The following PRR12 variants were observed in gnomAD, a reference collection of about 807,000 sequenced individuals.
The protein encoded by PRR12 is proline rich 12, also known as proline-rich protein 12.
PRR12 carries 12 observed loss-of-function variants against 138.0 expected under a neutral mutation model. That is an observed-to-expected ratio of 0.09 (90% CI 0.06 to 0.14). The LOEUF is 0.14. Ranked by LOEUF, PRR12 falls within the 10% of genes least tolerant of loss-of-function variation. The pLI is 1.00. For missense variants in PRR12, 2,692 were observed against 2,861.3 expected (o/e 0.94, Z 1.35); for synonymous variants, 1,567 against 1,291.7 (o/e 1.21, Z -4.57).
At chr19:49,609,093 C>T (rs965327910) in intron 6 of PRR12, among the ~76,000 whole-genome samples, 7 of 152,080 alleles carry the variant, frequency 4.6e-5, no homozygotes, top group African/African-American at 1.2e-4. Flanking sequence ...GTGGGTGAAT[C>T]GCTTGCGCTC....
chr19:49,591,430 C>T lies in PRR12; in HGVS notation c.-225C>T, dbSNP rs1314109396. ...GGAACCCCCCTTCCCCCTTCCTTGG[C>T]TCAGCGACTGCACCCCCTCCCTTGC... On this transcript the variant is annotated 5_prime_UTR_variant, in exon 1 of 14. Transcript: ENST00000418929. Among the ~76,000 whole-genome samples, 1 of 146,994 alleles carries T rather than the reference C, an allele frequency of 6.8e-6. No individual in the cohort carries two copies. Among genetic ancestry groups the T allele is most frequent in the Admixed American group, 6.7e-5 (1 of 14,986 alleles).
In PRR12 at chr19:49,597,412, C is replaced by T. The variant is rs1189114781; in HGVS notation, c.3077C>T (p.Pro1026Leu). 3 of 1,537,996 alleles carry T rather than the reference C, an allele frequency of 2.0e-6. No homozygotes were observed. Among genetic ancestry groups the T allele is most frequent in the Non-Finnish European group, 2.6e-6 (3 of 1,146,420 alleles). Residue 1026 changes from proline to leucine, a missense_variant, in exon 4 of 14, where the codon CCG becomes CTG. Around this residue, in one of 11 missense-constraint regions of PRR12, gnomAD observed 840 missense variants for 689.8 expected, o/e 1.22. Transcript: ENST00000418929. This position sits in a 1 kb window ranked among gnomAD's most constrained non-coding sequence, Gnocchi z 6.3. Reference protein sequence around the residue: ...PELPSTVNAEPLGLIQSGPHQ... With the variant: ...PELPSTVNAELLGLIQSGPHQ... ...CTGCCCTCCACGGTCAACGCCGAGC[C>T]GCTGGGCCTGATCCAGAGTGGCCCC...
rs755002916 is a variant in PRR12, at chr19:49,599,839, A to G, written c.4246A>G (p.Thr1416Ala). ...CCCACCCCTTGCTGGGCCAAAAGACACTTCCACCCCAGATGGGCCGCCCTT... is the reference window on the plus strand; with the variant it reads ...CCCACCCCTTGCTGGGCCAAAAGACGCTTCCACCCCAGATGGGCCGCCCTT... ...DDPPLAGPKD[T>A]STPDGPPLAP... Residue 1416 changes from threonine to alanine, a missense_variant, in exon 5 of 14, where the codon ACT becomes GCT. Physicochemically the swap from Thr to Ala is moderately conservative, Grantham distance 58. Coordinates refer to ENST00000418929, the MANE Select transcript of PRR12 (RefSeq NM_020719.3). This position sits in a 1 kb window ranked among gnomAD's most constrained non-coding sequence, Gnocchi z 5.0. The G allele has an allele frequency of 3.7e-6, 6 of 1,613,052 alleles. No individual in the cohort carries two copies. The highest frequency in any genetic ancestry group is 5.1e-6 in the Non-Finnish European group (6 of 1,179,854).
chr19:49,601,715 G>A lies in PRR12; in HGVS notation c.4570G>A (p.Ala1524Thr). 1 of 1,542,944 alleles carries A rather than the reference G, an allele frequency of 6.5e-7. No individual in the cohort carries two copies. The change falls in exon 6 of 14, where the codon GCT becomes ACT. Residue 1524 changes from alanine to threonine, a missense_variant. This residue lies in a region of PRR12 where 231 missense variants were observed against 200.8 expected (regional missense o/e 1.15). Transcript: ENST00000418929. ...ACCCCCACCAGCCGCTGCCCCACTGGCTGCTCCTCCTGAGGAGCCCGCCGC... is the reference window on the plus strand; with the variant it reads ...ACCCCCACCAGCCGCTGCCCCACTGACTGCTCCTCCTGAGGAGCCCGCCGC... ...PPPPPAAAPL[A>T]APPEEPAAPS...
chr19:49,599,978 GTTA>G lies in PRR12; in HGVS notation c.4345+45_4345+47del, dbSNP rs2080800996. The G allele has an allele frequency of 1.3e-6, 2 of 1,520,800 alleles. No individual in the cohort carries two copies. Among genetic ancestry groups the G allele is most frequent in the South Asian group, 1.3e-5 (1 of 79,250 alleles). 94.2% of individuals were successfully genotyped at this position (1,520,800 alleles called of 1,614,324 possible). On this transcript the variant is annotated intron_variant, in intron 5 of 13. Coordinates refer to ENST00000418929, the MANE Select transcript of PRR12 (RefSeq NM_020719.3). The surrounding 1 kb of genome is among the most constrained non-coding windows in gnomAD (Gnocchi z 5.0). The stretch of plus-strand genomic sequence containing the variant: ...GGTGGTCTGGGAGTAGAGCTTAAAG[GTTA>G]TTATGATCACTAGGTAACAGTTGTG...
intron 6 of PRR12, among the ~76,000 whole-genome samples, chr19:49,607,044 C>G (rs1024472054): frequency 2.0e-5 from 3 of 151,704 alleles, no homozygotes; most frequent in African/African-American, 7.3e-5. Context: ...GTGCTGTAAT[C>G]TCAGCACTTT....
intron 6 of PRR12, among the ~76,000 whole-genome samples, chr19:49,605,811 G>A (rs1364855422): frequency 1.3e-5 from 2 of 152,254 alleles, no homozygotes; most frequent in Non-Finnish European, 2.9e-5. Flanking sequence ...GGGGCCAGGC[G>A]AGGACTCAGA....
Position 49,595,678 on chromosome 19 carries a change from C to G in PRR12, c.1343C>G (p.Pro448Arg), listed in dbSNP as rs753714238. The G allele has an allele frequency of 9.6e-5, 154 of 1,596,246 alleles. No homozygotes were observed. The highest frequency in any genetic ancestry group is 8.4e-4 in the Middle Eastern group (5 of 5,924). Residue 448 changes from proline (P) to arginine (R), a missense_variant, in exon 4 of 14, where the codon CCT (proline) becomes CGT (arginine). Physicochemically the swap from Pro to Arg is moderately radical, Grantham distance 103. Transcript: ENST00000418929. ...AGGQAYSPGQ[P>R]QGLLGPQAYG... is the part of the protein sequence containing the mutation. ...GGCCAGGCTTATTCCCCCGGTCAGC[C>G]TCAAGGGCTTCTGGGACCCCAGGCC...
intron 11 of PRR12, among the ~76,000 whole-genome samples, chr19:49,623,083 G>A (rs1485572937): frequency 1.3e-5 from 2 of 151,828 alleles, no homozygotes; most frequent in African/African-American, 4.8e-5. Flanking sequence ...CTGGTGTGGA[G>A]AAATCTAAGC....
At chr19:49,607,556 A>G (rs569803645) in intron 6 of PRR12, among the ~76,000 whole-genome samples, 19 of 151,920 alleles carry the variant, frequency 1.3e-4, no homozygotes, top group African/African-American at 4.6e-4. Flanking sequence ...AAAATAAGAA[A>G]AATTAGCCGG....
Position 49,596,689 on chromosome 19 carries a change from C to T in PRR12, c.2354C>T (p.Ala785Val), listed in dbSNP as rs980389215. The change falls in exon 4 of 14, where the codon GCC becomes GTC. Residue 785 changes from alanine (A) to valine (V), a missense_variant. Transcript: ENST00000418929. The surrounding 1 kb of genome is among the most constrained non-coding windows in gnomAD (Gnocchi z 5.6). ...QPTPHGLLLE[A>V]GGPDLPLVLP... ...ACTCCCCATGGCCTCCTTCTGGAGG[C>T]CGGGGGCCCTGACCTCCCACTGGTG... 2 of 1,604,130 alleles carry T rather than the reference C, an allele frequency of 1.2e-6. No individual in the cohort carries two copies. Among genetic ancestry groups the T allele is most frequent in the African/African-American group, 1.3e-5 (1 of 74,788 alleles).
intron 6 of PRR12, among the ~76,000 whole-genome samples, chr19:49,602,213 T>G (rs2080816340): frequency 1.3e-5 from 2 of 152,200 alleles, no homozygotes; most frequent in African/African-American, 4.8e-5. Context: ...TGTTAATGTT[T>G]ATGCAGATAC....
In PRR12 at chr19:49,597,221, C is replaced by T. The variant is rs779297996; in HGVS notation, c.2886C>T (p.Tyr962=). Residue 962 remains tyrosine (Y), a synonymous_variant, in exon 4 of 14, where the codon TAC becomes TAT. Transcript: ENST00000418929. This position sits in a 1 kb window ranked among gnomAD's most constrained non-coding sequence, Gnocchi z 6.3. ...EMFGGGAADD[Y]GKAGPPEDEG... ...TCGGTGGAGGGGCCGCGGACGACTACGGCAAGGCCGGGCCACCTGAGGACG... is the reference window on the plus strand; with the variant it reads ...TCGGTGGAGGGGCCGCGGACGACTATGGCAAGGCCGGGCCACCTGAGGACG... 7.0e-6 allele frequency: 11 copies of T among 1,568,186 alleles called. No homozygotes were observed. The Admixed American group carries it at 9.4e-5, about 13-fold the overall frequency.
In PRR12 at chr19:49,602,004, G is replaced by A. The variant is rs1032579595; in HGVS notation, c.4773+86G>A. 14 of 1,484,312 alleles carry A rather than the reference G, an allele frequency of 9.4e-6. No homozygotes were observed. In the African/African-American group the frequency reaches 1.8e-4, roughly 19 times the overall value. The allele number at this position is 1,484,312 out of a possible 1,614,324, so 91.9% of individuals were successfully genotyped here. ...GCCCGCTGGATGACAGGCTTGTGCT[G>A]AGACCTGCAGATCCAGTCGTGGCCG... On this transcript the variant is annotated intron_variant, in intron 6 of 13. Transcript: ENST00000418929.
In PRR12 at chr19:49,599,339, C is replaced by T. The variant is rs368731740; in HGVS notation, c.3746C>T (p.Thr1249Ile). 10 of 1,613,176 alleles carry T rather than the reference C, an allele frequency of 6.2e-6. No homozygotes were observed. Among genetic ancestry groups the T allele is most frequent in the Non-Finnish European group, 7.6e-6 (9 of 1,179,794 alleles). Residue 1249 changes from threonine (T) to isoleucine (I), a missense_variant, in exon 5 of 14, where the codon ACT (threonine) becomes ATT (isoleucine). Physicochemically the swap from Thr to Ile is moderately conservative, Grantham distance 89. Coordinates refer to ENST00000418929, the MANE Select transcript of PRR12 (RefSeq NM_020719.3). This position sits in a 1 kb window ranked among gnomAD's most constrained non-coding sequence, Gnocchi z 5.0. ...GTSSGDAISGTDHNSLDSSLT... is the reference protein window; with the variant it reads ...GTSSGDAISGIDHNSLDSSLT... ...TCATCGGGTGATGCCATATCAGGCA[C>T]TGACCACAACAGCCTGGACTCGAGC...
At chr19:49,615,438 AAG>A (rs753285535) in intron 8 of PRR12, among the ~76,000 whole-genome samples, 6 of 146,564 alleles carry the variant, frequency 4.1e-5, no homozygotes, top group Non-Finnish European at 9.0e-5. Context: ...GAGACCCAGA[AAG>A]AGGGGGATAG....
intron 4 of PRR12, among the ~76,000 whole-genome samples, chr19:49,598,995 C>T (rs1448866552): frequency 6.6e-6 from 1 of 152,138 alleles, no homozygotes; most frequent in Non-Finnish European, 1.5e-5. Flanking sequence ...AAAGGATGGG[C>T]ATTCAGGGAT....
rs1179501997 is a variant in PRR12, at chr19:49,601,593, C to T, written c.4448C>T (p.Pro1483Leu). The T allele has an allele frequency of 6.5e-7, 1 of 1,544,406 alleles. No individual in the cohort carries two copies. The highest frequency in any genetic ancestry group is 1.4e-5 in the African/African-American group (1 of 72,864). Residue 1483 changes from proline to leucine, a missense_variant, in exon 6 of 14, where the codon CCC (proline) becomes CTC (leucine). This residue lies in a region of PRR12 where 231 missense variants were observed against 200.8 expected (regional missense o/e 1.15). Transcript: ENST00000418929. ...CCTCCGCCGCCACAGCCAGCCCTGC[C>T]CTCGCCACCCCCGCTGGTGGCCCCC... ...PPPPPPQPAL[P>L]SPPPLVAPTP... is the part of the protein sequence containing the mutation.
Position 49,599,382 on chromosome 19 carries a change from C to G in PRR12, c.3789C>G (p.Ile1263Met). 2 of 1,612,674 alleles carry G rather than the reference C, an allele frequency of 1.2e-6. No homozygotes were observed. Among genetic ancestry groups the G allele is most frequent in the South Asian group, 2.2e-5 (2 of 90,888 alleles). The change falls in exon 5 of 14, where the codon ATC becomes ATG. Residue 1263 changes from isoleucine (I) to methionine (M), a missense_variant. Physicochemically the swap from Ile to Met is conservative, Grantham distance 10. Coordinates refer to ENST00000418929, the MANE Select transcript of PRR12 (RefSeq NM_020719.3). The surrounding 1 kb of genome is among the most constrained non-coding windows in gnomAD (Gnocchi z 5.0). ...SLDSSLTREK[I>M]EAKIKEVEEK... The stretch of plus-strand genomic sequence containing the variant: ...ACTCGAGCCTGACTCGGGAGAAGAT[C>G]GAGGCCAAGATTAAGGAGGTGGAGG...
Sources: gnomAD v4.1 joint callset for allele counts (sites outside exome capture counted in the v4.1 genomes callset) on GRCh38, gnomAD v4.1.1 for gene constraint, gnomAD v4.1.1 regional missense constraint, Gnocchi (gnomAD v3.1) non-coding constraint, MANE v1.5 for transcripts, NCBI Gene and HGNC (gene_info 2026-07-23, HGNC 2026-07-21) for gene names.